CNTNAP2: variants seen among roughly 807,000 people sequenced by gnomAD.
CNTNAP2 encodes contactin-associated protein-like 2.
A neutral mutation model predicts 155.2 loss-of-function variants in CNTNAP2; 98 were observed. That is an observed-to-expected ratio of 0.63 (90% CI 0.54 to 0.75). The LOEUF is 0.75. Ranked by LOEUF, CNTNAP2 falls within the 30% of genes least tolerant of loss-of-function variation. The pLI is 0.00. For missense variants in CNTNAP2, 1,727 were observed against 1,688.1 expected (o/e 1.02, Z -0.40); for synonymous variants, 651 against 631.2 (o/e 1.03, Z -0.47).
At chr7:147,857,195 T>G (rs987524335) in intron 13 of CNTNAP2, among the ~76,000 whole-genome samples, 4 of 152,234 alleles carry the variant, frequency 2.6e-5, no homozygotes, top group African/African-American at 4.8e-5. Flanking sequence ...ATGTAAAGGT[T>G]AATCAGGATG....
At chr7:148,258,917 C>T (rs1026911844) in intron 20 of CNTNAP2, among the ~76,000 whole-genome samples, 2 of 151,886 alleles carry the variant, frequency 1.3e-5, no homozygotes, top group Non-Finnish European at 2.9e-5. Context: ...GTGGCTCACA[C>T]CTGTAATCCC....
rs957169275 is a variant in CNTNAP2 at position 146,856,808 on chromosome 7, C to A, written c.402+16904C>A. ...AGTCAAACCAAAATTGAAGAATATT[C>A]TATGAGGAATGTTCTACTAAAAAGA... On this transcript the variant is annotated intron_variant, in intron 3 of 23. Coordinates refer to ENST00000361727, the MANE Select transcript of CNTNAP2 (RefSeq NM_014141.6). 2.2e-4 allele frequency among the ~76,000 whole-genome samples: 34 copies of A among 152,002 alleles called. 1 individual carries two copies. Among genetic ancestry groups the A allele is most frequent in the African/African-American group, 8.0e-4 (33 of 41,386 alleles).
At chr7:147,374,519 A>G (rs1796402334) in intron 9 of CNTNAP2, among the ~76,000 whole-genome samples, 1 of 152,110 alleles carries the variant, frequency 6.6e-6, no homozygotes, top group Non-Finnish European at 1.5e-5. Context: ...ATATGGTTAC[A>G]TAGTCTAGGT....
At chr7:148,332,977 A>C (rs528796305) in intron 21 of CNTNAP2, among the ~76,000 whole-genome samples, 1 of 152,336 alleles carries the variant, frequency 6.6e-6, no homozygotes, top group African/African-American at 2.4e-5. Context: ...CACAATAAAC[A>C]TGATGACATA....
At chr7:148,288,802 T>A (rs566093314) in intron 21 of CNTNAP2, among the ~76,000 whole-genome samples, 55 of 152,210 alleles carry the variant, frequency 3.6e-4, no homozygotes, top group African/African-American at 1.2e-3. Context: ...AAGTGACTCA[T>A]AAGCCACAAT....
intron 10 of CNTNAP2, among the ~76,000 whole-genome samples, chr7:147,446,093 G>C (rs532096785): frequency 3.3e-5 from 5 of 151,756 alleles, no homozygotes; most frequent in African/African-American, 1.2e-4. Context: ...ACAAGGATCA[G>C]GGCAAGACAC....
intron 1 of CNTNAP2, among the ~76,000 whole-genome samples, chr7:146,142,973 A>C (rs546625909): frequency 6.6e-6 from 1 of 152,350 alleles, no homozygotes; most frequent in South Asian, 2.1e-4. Context: ...GTTTCTTAAG[A>C]ACTCTGCCTT....
intron 1 of CNTNAP2, among the ~76,000 whole-genome samples, chr7:146,349,991 A>C (rs1367758547): frequency 6.6e-6 from 1 of 151,808 alleles, no homozygotes; most frequent in Non-Finnish European, 1.5e-5. Context: ...CGTTCTTTGT[A>C]TTTCCTGAAT....
intron 13 of CNTNAP2, among the ~76,000 whole-genome samples, chr7:147,854,075 T>G (rs1798996181): frequency 6.6e-6 from 1 of 152,182 alleles, no homozygotes; most frequent in Admixed American, 6.5e-5. Flanking sequence ...TGCAAGATGT[T>G]TATGTGCTGA....
At chr7:147,887,361 C>T (rs1042816909) in intron 13 of CNTNAP2, among the ~76,000 whole-genome samples, 20 of 152,150 alleles carry the variant, frequency 1.3e-4, no homozygotes, top group Non-Finnish European at 2.5e-4. Flanking sequence ...ATCCCAGCTA[C>T]TCAGGAGGCT....
chr7:146,791,987 A>C (rs1029763657), intron 2 of CNTNAP2, among the ~76,000 whole-genome samples: 1 of 152,102 alleles, frequency 6.6e-6, no homozygotes, highest in African/African-American at 2.4e-5. Context: ...AGTGTGGTTG[A>C]TTTCTTCAGA....
chr7:146,891,944 C>CT (rs1795786842), intron 3 of CNTNAP2, among the ~76,000 whole-genome samples: 2 of 152,188 alleles, frequency 1.3e-5, no homozygotes, highest in African/African-American at 4.8e-5. Flanking sequence ...ATTGGCACCT[C>CT]TTCCCACCTA....
intron 1 of CNTNAP2, among the ~76,000 whole-genome samples, chr7:146,244,559 G>A (rs1393021737): frequency 6.6e-6 from 1 of 152,168 alleles, no homozygotes; most frequent in Non-Finnish European, 1.5e-5. Flanking sequence ...TCCTTTTTAA[G>A]TTGGTGGCTG....
chr7:147,736,598 A>T (rs1487374779), intron 13 of CNTNAP2, among the ~76,000 whole-genome samples: 1 of 152,170 alleles, frequency 6.6e-6, no homozygotes, highest in East Asian at 1.9e-4. Flanking sequence ...GTTCTCCTGA[A>T]TAATATTCTG....
At chr7:146,569,267 C>G (rs1798405164) in intron 1 of CNTNAP2, among the ~76,000 whole-genome samples, 1 of 152,156 alleles carries the variant, frequency 6.6e-6, no homozygotes, top group African/African-American at 2.4e-5. Flanking sequence ...GATCCGCCCT[C>G]CTCGGCCTCC....
intron 1 of CNTNAP2, among the ~76,000 whole-genome samples, chr7:146,670,858 C>G (rs907074340): frequency 2.0e-5 from 3 of 152,180 alleles, no homozygotes; most frequent in Admixed American, 6.5e-5. Flanking sequence ...GTCTGGTAGA[C>G]TACACTTTTC....
intron 9 of CNTNAP2, among the ~76,000 whole-genome samples, chr7:147,387,974 G>C (rs1339119931): frequency 6.6e-6 from 1 of 151,942 alleles, no homozygotes; most frequent in South Asian, 2.1e-4. Context: ...CTACATTCCT[G>C]TTACATGTAT....
At position 147,737,354 on chromosome 7, in the gene CNTNAP2, A is replaced by T. The variant is rs571322826; in HGVS notation, c.2098+98048A>T. Reference sequence around the variant, plus strand: ...AGAACAGTGAATATTGGTGAACAGCAAATGTTGCTGCCTGATCGTTCCTCT... The same window carrying T: ...AGAACAGTGAATATTGGTGAACAGCTAATGTTGCTGCCTGATCGTTCCTCT... On this transcript the variant is annotated intron_variant, in intron 13 of 23. Transcript: ENST00000361727. 4.3e-4 allele frequency among the ~76,000 whole-genome samples: 66 copies of T among 152,266 alleles called. 2 individuals are homozygous for T. In the South Asian group the frequency reaches 0.012, roughly 27 times the overall value.
chr7:147,508,504 G>C (rs1798955479), intron 11 of CNTNAP2, among the ~76,000 whole-genome samples: 1 of 152,128 alleles, frequency 6.6e-6, no homozygotes, highest in Non-Finnish European at 1.5e-5. Flanking sequence ...CTTGATTTAA[G>C]GGCCTTCAGT....
Sources: gnomAD v4.1 joint callset for allele counts (sites outside exome capture counted in the v4.1 genomes callset) on GRCh38, gnomAD v4.1.1 for gene constraint, MANE v1.5 for transcripts, NCBI Gene and HGNC (gene_info 2026-07-23, HGNC 2026-07-21) for gene names.